The following ERBB4 variants were observed in gnomAD, a reference collection of about 807,000 sequenced individuals.
The protein encoded by ERBB4 is erb-b2 receptor tyrosine kinase 4.
Under a neutral mutation model 158.0 loss-of-function variants are expected in ERBB4, and 42 were observed. The ratio of observed to expected loss-of-function variants is 0.27; its 90% CI spans 0.21 to 0.34. The LOEUF is 0.34. Among genes scored for constraint, ERBB4 ranks in the 10% least tolerant of loss-of-function variants. ERBB4 has a pLI of 1.00. For synonymous variants in ERBB4, 583 were observed against 558.7 expected, an observed-to-expected ratio of 1.04 and a Z score of -0.61; for missense variants, 1,333 against 1,624.1, an observed-to-expected ratio of 0.82 and a Z score of 3.08.
At chr2:212,124,232 A>G (rs1347612641) in intron 2 of ERBB4, among the ~76,000 whole-genome samples, 1 of 152,248 alleles carries the variant, frequency 6.6e-6, no homozygotes, top group Non-Finnish European at 1.5e-5. Flanking sequence ...GTATTGATCT[A>G]TGTAAATACT....
chr2:211,617,346 C>A (rs1332387484), intron 19 of ERBB4, among the ~76,000 whole-genome samples: 1 of 151,970 alleles, frequency 6.6e-6, no homozygotes, highest in African/African-American at 2.4e-5. Flanking sequence ...TAAAAAATTT[C>A]CCTTCACAAA....
At chr2:211,480,738 A>C (rs899155605) in intron 20 of ERBB4, among the ~76,000 whole-genome samples, 13 of 152,140 alleles carry the variant, frequency 8.5e-5, no homozygotes, top group African/African-American at 3.1e-4. Flanking sequence ...TAGGCGTCAC[A>C]GTTTTTATCC....
At chr2:212,118,467 G>A (rs961517644) in intron 2 of ERBB4, among the ~76,000 whole-genome samples, 2 of 152,146 alleles carry the variant, frequency 1.3e-5, no homozygotes, top group South Asian at 2.1e-4. Context: ...TCATGAGAAA[G>A]AGAATGAAAT....
intron 3 of ERBB4, among the ~76,000 whole-genome samples, chr2:211,848,188 G>C (rs1471002780): frequency 6.6e-6 from 1 of 152,010 alleles, no homozygotes; most frequent in African/African-American, 2.4e-5. Context: ...TCAACAAGTA[G>C]AATATTTAGA....
chr2:212,423,350 T>C (rs905110513), intron 1 of ERBB4, among the ~76,000 whole-genome samples: 3 of 152,162 alleles, frequency 2.0e-5, no homozygotes, highest in African/African-American at 7.2e-5. Flanking sequence ...GCTACAGTGA[T>C]TATCTGAATC....
At chr2:211,874,642 T>A (rs1030368507) in intron 3 of ERBB4, among the ~76,000 whole-genome samples, 1 of 152,146 alleles carries the variant, frequency 6.6e-6, no homozygotes, top group East Asian at 1.9e-4. Flanking sequence ...AGTGATAACC[T>A]TATGGCAGGT....
intron 17 of ERBB4, among the ~76,000 whole-genome samples, chr2:211,626,544 T>C (rs774911819): frequency 6.6e-6 from 1 of 152,154 alleles, no homozygotes; most frequent in African/African-American, 2.4e-5. Flanking sequence ...AAGAAAAAGA[T>C]AGGGATTCTA....
intron 1 of ERBB4, among the ~76,000 whole-genome samples, chr2:212,525,979 C>G (rs1391544136): frequency 6.6e-6 from 1 of 151,972 alleles, no homozygotes; most frequent in East Asian, 1.9e-4. Context: ...TTTTGACATA[C>G]AGGTATTTTA....
chr2:212,285,956 A>G (rs1333281346), intron 1 of ERBB4, among the ~76,000 whole-genome samples: 2 of 152,170 alleles, frequency 1.3e-5, no homozygotes, highest in South Asian at 4.1e-4. Context: ...GCTAGATATT[A>G]TATGTATGAT....
intron 1 of ERBB4, among the ~76,000 whole-genome samples, chr2:212,153,108 G>A (rs139515916): frequency 6.6e-6 from 1 of 152,314 alleles, no homozygotes; most frequent in African/African-American, 2.4e-5. Flanking sequence ...TGTTTGTTAT[G>A]CAGCATTACT....
intron 2 of ERBB4, among the ~76,000 whole-genome samples, chr2:212,123,655 A>G (rs2079829889): frequency 6.6e-6 from 1 of 152,182 alleles, no homozygotes; most frequent in African/African-American, 2.4e-5. Flanking sequence ...AAAAATGGAT[A>G]TCATAAGCCA....
At chr2:212,041,581 C>A (rs1244240005) in intron 2 of ERBB4, among the ~76,000 whole-genome samples, 2 of 150,228 alleles carry the variant, frequency 1.3e-5, no homozygotes, top group Middle Eastern at 3.4e-3. Context: ...CAATATGGAT[C>A]ATATTACATA....
At chr2:211,406,772 A>G (rs1205631672) in intron 25 of ERBB4, among the ~76,000 whole-genome samples, 2 of 152,114 alleles carry the variant, frequency 1.3e-5, no homozygotes, top group African/African-American at 4.8e-5. Context: ...AATAGTAGAA[A>G]AATAAAATAG....
rs186074735 is a variant in ERBB4, at chr2:212,050,494, T to C, written c.234+74258A>G. ...CTCCTGGTTTGACTCTATTTTCTCCTCTTCCTCTTATTTAAAACTTAAGTG... is the reference window on the plus strand; with the variant it reads ...CTCCTGGTTTGACTCTATTTTCTCCCCTTCCTCTTATTTAAAACTTAAGTG... On this transcript the variant is annotated intron_variant, in intron 2 of 27. Coordinates refer to ENST00000342788, the MANE Select transcript of ERBB4 (RefSeq NM_005235.3). Among the ~76,000 whole-genome samples the C allele has an allele frequency of 8.7e-4, 133 of 152,346 alleles. No individual in the cohort carries two copies. The East Asian group carries it at 0.014, about 16-fold the overall frequency.
At chr2:211,505,196 T>C (rs889957206) in intron 20 of ERBB4, among the ~76,000 whole-genome samples, 1 of 152,012 alleles carries the variant, frequency 6.6e-6, no homozygotes, top group Admixed American at 6.5e-5. Context: ...TAAAGGCAGC[T>C]AGAGAGAAGT....
rs567375725 is a variant in ERBB4 at position 212,000,631 on chromosome 2, C to T, written c.235-53015G>A. On this transcript the variant is annotated intron_variant, in intron 2 of 27. Transcript: ENST00000342788. Reference sequence around the variant, plus strand: ...TATTACAAGGAAATTTAGCTAGGGACGTGAAAAATTCTCCTATAGCTGAAA... The same window carrying T: ...TATTACAAGGAAATTTAGCTAGGGATGTGAAAAATTCTCCTATAGCTGAAA... 8.3e-4 allele frequency among the ~76,000 whole-genome samples: 126 copies of T among 151,716 alleles called. 2 individuals are homozygous for T. The highest frequency in any genetic ancestry group is 2.9e-3 in the African/African-American group (120 of 41,454).
intron 1 of ERBB4, among the ~76,000 whole-genome samples, chr2:212,474,430 G>A (rs1266905125): frequency 6.6e-6 from 1 of 152,088 alleles, no homozygotes; most frequent in Non-Finnish European, 1.5e-5. Context: ...TTTAACTGAT[G>A]TTAGTATTAC....
intron 1 of ERBB4, among the ~76,000 whole-genome samples, chr2:212,453,811 A>G (rs562050951): frequency 1.3e-5 from 2 of 152,350 alleles, no homozygotes; most frequent in South Asian, 4.1e-4. Flanking sequence ...ATTTAAACGT[A>G]GTTTTATCAA....
At chr2:211,901,194 AG>A (rs1243723126) in intron 3 of ERBB4, among the ~76,000 whole-genome samples, 4 of 152,276 alleles carry the variant, frequency 2.6e-5, no homozygotes, top group African/African-American at 9.6e-5. Flanking sequence ...GATATGTCTT[AG>A]GTCTGTTTTT....
Sources: allele counts gnomAD v4.1 joint callset (sites outside exome capture counted in the v4.1 genomes callset), GRCh38; gene constraint gnomAD v4.1.1; transcripts MANE v1.5; gene names NCBI Gene and HGNC (gene_info 2026-07-23, HGNC 2026-07-21).